CLYBL: variants seen among roughly 807,000 people sequenced by gnomAD.
CLYBL encodes citramalyl-CoA lyase.
In CLYBL, 31 loss-of-function variants were observed where a neutral mutation model predicts 38.9. That is an observed-to-expected ratio of 0.80 (90% CI 0.60 to 1.08). The LOEUF (loss-of-function observed/expected upper bound fraction) is 1.08. CLYBL is among the 50% of genes least tolerant of loss of function. The pLI is 0.00. For missense variants in CLYBL, 434 were observed against 411.6 expected, an observed-to-expected ratio of 1.05 and a Z score of -0.47; for synonymous variants, 171 against 158.6, an observed-to-expected ratio of 1.08 and a Z score of -0.59.
At chr13:99,745,238 C>G (rs1292982431) in intron 1 of CLYBL, among the ~76,000 whole-genome samples, 2 of 152,142 alleles carry the variant, frequency 1.3e-5, no homozygotes, top group Non-Finnish European at 2.9e-5. Flanking sequence ...ACAAATAAAC[C>G]ATAACATAGA....
chr13:99,807,990 C>T (rs2050264847), intron 2 of CLYBL, among the ~76,000 whole-genome samples: 1 of 152,162 alleles, frequency 6.6e-6, no homozygotes, highest in Non-Finnish European at 1.5e-5. Context: ...AGAAAACCAA[C>T]TCTGTTCAAA....
chr13:99,858,678 A>C (rs957686293), intron 2 of CLYBL, among the ~76,000 whole-genome samples, 183 bp from the exon 3 acceptor site: 4 of 152,220 alleles, frequency 2.6e-5, no homozygotes, highest in Non-Finnish European at 5.9e-5. Flanking sequence ...AAACCTAAAA[A>C]TCAACTGCTC....
chr13:99,760,823 T>C (rs904493630), intron 1 of CLYBL, among the ~76,000 whole-genome samples: 7 of 152,250 alleles, frequency 4.6e-5, no homozygotes, highest in Non-Finnish European at 8.8e-5. Flanking sequence ...AGCACCATAC[T>C]CAGGATATCT....
At chr13:99,771,602 G>A (rs2049396859) in intron 1 of CLYBL, among the ~76,000 whole-genome samples, 1 of 152,156 alleles carries the variant, frequency 6.6e-6, no homozygotes, top group Non-Finnish European at 1.5e-5. Flanking sequence ...ATGAGCTAAA[G>A]CATGGTTTTC....
chr13:99,638,697 G>C (rs895695873), intron 1 of CLYBL, among the ~76,000 whole-genome samples: 2 of 152,208 alleles, frequency 1.3e-5, no homozygotes, highest in African/African-American at 4.8e-5. Context: ...TGTGAGATAA[G>C]TTTTATTTAT....
At position 99,615,374 on chromosome 13, in the gene CLYBL, G is replaced by A. The variant is rs925048534; in HGVS notation, c.62+8617G>A. Among the ~76,000 whole-genome samples the A allele has an allele frequency of 6.3e-4, 96 of 152,314 alleles. 1 individual carries two copies. The highest frequency in any genetic ancestry group is 2.1e-3 in the African/African-American group (87 of 41,584). On this transcript the variant is annotated intron_variant, in intron 1 of 8. Transcript: ENST00000339105. Reference sequence around the variant, plus strand: ...GGAATGCAGGTTTCTAAGAAGGCTCGGAAAAGCAAGCTGGGCTCCTTGGGG... The same window carrying A: ...GGAATGCAGGTTTCTAAGAAGGCTCAGAAAAGCAAGCTGGGCTCCTTGGGG...
chr13:99,706,392 C>T (rs1378069562), intron 1 of CLYBL, among the ~76,000 whole-genome samples: 1 of 152,176 alleles, frequency 6.6e-6, no homozygotes, highest in African/African-American at 2.4e-5. Context: ...GACACTCTTG[C>T]CTGGTTTGCA....
At chr13:99,741,221 A>G (rs1363535453) in intron 1 of CLYBL, among the ~76,000 whole-genome samples, 2 of 152,214 alleles carry the variant, frequency 1.3e-5, no homozygotes, top group East Asian at 1.9e-4. Flanking sequence ...AGTGGCACAA[A>G]TGGGGCAAAG....
downstream of CLYBL, chr13:99,895,555 G>A (rs1285706009): frequency 6.6e-6 from 1 of 152,220 alleles, no homozygotes; most frequent in African/African-American, 2.4e-5. Context: ...CGGGCGGAGC[G>A]GCGTACCTGA....
chr13:99,664,750 C>T (rs377058600), intron 1 of CLYBL, among the ~76,000 whole-genome samples: 91 of 152,068 alleles, frequency 6.0e-4, no homozygotes, highest in African/African-American at 2.0e-3. Flanking sequence ...AAATTTGGAA[C>T]GAAGAAGCTG....
intron 2 of CLYBL, among the ~76,000 whole-genome samples, chr13:99,779,456 T>A (rs2049593644): frequency 6.6e-6 from 1 of 152,198 alleles, no homozygotes; most frequent in African/African-American, 2.4e-5. Context: ...GAGTATTTTT[T>A]AATTGTCATT....
At chr13:99,829,238 C>T (rs1379193458) in intron 2 of CLYBL, among the ~76,000 whole-genome samples, 1 of 152,198 alleles carries the variant, frequency 6.6e-6, no homozygotes, top group Non-Finnish European at 1.5e-5. Context: ...CCGTAGCATC[C>T]AAGGAGGAAG....
At chr13:99,653,210 A>G (rs2047280484) in intron 1 of CLYBL, among the ~76,000 whole-genome samples, 1 of 152,176 alleles carries the variant, frequency 6.6e-6, no homozygotes, top group African/African-American at 2.4e-5. Context: ...TTCTAGGCAA[A>G]GACTTCAGAT....
chr13:99,637,246 A>G (rs1342373231), intron 1 of CLYBL, among the ~76,000 whole-genome samples: 1 of 152,196 alleles, frequency 6.6e-6, no homozygotes, highest in Non-Finnish European at 1.5e-5. Flanking sequence ...TCACCCAAAG[A>G]TGAAAGTGCT....
intron 1 of CLYBL, among the ~76,000 whole-genome samples, chr13:99,670,559 C>A (rs989113999): frequency 6.6e-6 from 1 of 152,100 alleles, no homozygotes; most frequent in Non-Finnish European, 1.5e-5. Flanking sequence ...CTCTGCTCTG[C>A]CCTTCTTTCA....
intron 2 of CLYBL, among the ~76,000 whole-genome samples, chr13:99,794,047 C>T (rs879665283): frequency 1.3e-5 from 2 of 152,222 alleles, no homozygotes; most frequent in Admixed American, 1.3e-4. Flanking sequence ...TAATTAAAAT[C>T]TCTCCGTTGG....
intron 1 of CLYBL, among the ~76,000 whole-genome samples, chr13:99,736,716 AT>A (rs2048674317): frequency 6.6e-6 from 1 of 152,054 alleles, no homozygotes; most frequent in South Asian, 2.1e-4. Flanking sequence ...CCACGGCCAG[AT>A]TTCACTGTCA....
In CLYBL at chr13:99,772,889, T is replaced by A; in HGVS notation, c.128T>A (p.Ile43Asn). 1 of 1,612,984 alleles carries A rather than the reference T, an allele frequency of 6.2e-7. No homozygotes were observed. Residue 43 changes from isoleucine (I) to asparagine (N), a missense_variant, in exon 2 of 9, where the codon ATC becomes AAC. Coordinates refer to ENST00000339105, the MANE Select transcript of CLYBL (RefSeq NM_206808.5). ...AGTTCCTCATCCCATCACAAGTACATCCCCCGGAGGGCAGTGCTTTATGTA... is the reference window on the plus strand; with the variant it reads ...AGTTCCTCATCCCATCACAAGTACAACCCCCGGAGGGCAGTGCTTTATGTA... ...GYSSSSHHKY[I>N]PRRAVLYVPG...
chr13:99,873,602 T>A (rs2051963572), intron 7 of CLYBL, among the ~76,000 whole-genome samples: 1 of 152,194 alleles, frequency 6.6e-6, no homozygotes, highest in Non-Finnish European at 1.5e-5. Context: ...TCTTTGCTTT[T>A]CTGCACTTCT....
Sources: allele counts gnomAD v4.1 joint callset (sites outside exome capture counted in the v4.1 genomes callset), GRCh38; gene constraint gnomAD v4.1.1; transcripts MANE v1.5; gene names NCBI Gene and HGNC (gene_info 2026-07-23, HGNC 2026-07-21).